The following AGBL3 variants were observed in gnomAD, a reference collection of about 807,000 sequenced individuals.
AGBL3 encodes the protein cytosolic carboxypeptidase 3.
Under a neutral mutation model 94.5 loss-of-function variants are expected in AGBL3, and 68 were observed. The ratio of observed to expected loss-of-function variants is 0.72; its 90% CI spans 0.59 to 0.88. The LOEUF is 0.88. Among genes scored for constraint, AGBL3 ranks in the 40% least tolerant of loss-of-function variants. AGBL3 has a pLI of 0.00. For synonymous variants in AGBL3, 354 were observed against 370.7 expected (o/e 0.95, Z 0.52); for missense variants, 934 against 1,103.8 (o/e 0.85, Z 2.18).
At chr7:135,083,224 C>G (rs1280283664) in intron 15 of AGBL3, among the ~76,000 whole-genome samples, 7 of 152,186 alleles carry the variant, frequency 4.6e-5, no homozygotes, top group Non-Finnish European at 1.0e-4. Context: ...TCTAGTCAGT[C>G]TCCCTGCCAC....
intron 12 of AGBL3, among the ~76,000 whole-genome samples, chr7:135,067,427 G>A (rs923471469): frequency 2.0e-5 from 3 of 152,316 alleles, no homozygotes; most frequent in Admixed American, 1.3e-4. Context: ...ATCTGAGAAC[G>A]AGCAGACTGC....
At chr7:135,107,356 T>C (rs1470203039) in intron 15 of AGBL3, among the ~76,000 whole-genome samples, 2 of 152,182 alleles carry the variant, frequency 1.3e-5, no homozygotes, top group Non-Finnish European at 2.9e-5. Context: ...CATTTAGTGA[T>C]ATAAATTTCT....
intron 5 of AGBL3, among the ~76,000 whole-genome samples, chr7:135,017,719 G>A (rs192561157): frequency 2.6e-5 from 4 of 152,092 alleles, no homozygotes; most frequent in South Asian, 4.1e-4. Context: ...GAGTGTTTTC[G>A]TATATTAAAG....
chr7:135,101,398 T>C (rs115098679), intron 15 of AGBL3: 2 of 362,840 alleles, frequency 5.5e-6, no homozygotes, highest in African/African-American at 4.2e-5. Flanking sequence ...AAGGATGAGA[T>C]TGATAGCTAT....
intron 15 of AGBL3, among the ~76,000 whole-genome samples, chr7:135,087,523 G>A (rs763725095): frequency 6.6e-6 from 1 of 151,812 alleles, no homozygotes; most frequent in Non-Finnish European, 1.5e-5. Flanking sequence ...GTTTTGGTAT[G>A]TTGTGTTTCT....
At chr7:135,057,842 T>C (rs1818472511) in intron 11 of AGBL3, among the ~76,000 whole-genome samples, 2 of 152,188 alleles carry the variant, frequency 1.3e-5, no homozygotes, top group Non-Finnish European at 2.9e-5. Flanking sequence ...CTTTAATTTA[T>C]ATTACTAAGT....
chr7:135,037,578 AAAGT>A lies in AGBL3; in HGVS notation c.1500+2_1500+5del, dbSNP rs1484377502. 5 of 1,537,746 alleles carry A rather than the reference AAAGT, an allele frequency of 3.3e-6. No individual in the cohort carries two copies. The highest frequency in any genetic ancestry group is 4.4e-6 in the Non-Finnish European group (5 of 1,141,514). On this transcript the variant is annotated splice_donor_variant and coding_sequence_variant, in exon 8 of 17. Coordinates refer to ENST00000436302, the MANE Select transcript of AGBL3 (RefSeq NM_178563.4). LOFTEE classifies it high-confidence loss of function. Reference sequence around the variant, plus strand: ...TATGCTAAGCAAAAATTGTCCAGATAAAGTAAGCACCTTTTAAGGTATTAACTTT... The same window carrying A: ...TATGCTAAGCAAAAATTGTCCAGATAAAGCACCTTTTAAGGTATTAACTTT...
intron 5 of AGBL3, among the ~76,000 whole-genome samples, chr7:135,025,676 T>C (rs1007012154): frequency 1.3e-5 from 2 of 151,566 alleles, no homozygotes; most frequent in Non-Finnish European, 1.5e-5. Flanking sequence ...GACCCAACTG[T>C]TGGCTGTCTT....
intron 7 of AGBL3, 110 bp from the exon 8 acceptor site, chr7:135,037,308 G>C (rs1376723092): frequency 2.3e-6 from 2 of 878,034 alleles, no homozygotes; most frequent in Non-Finnish European, 3.3e-6. Flanking sequence ...GAGAAAGCTA[G>C]GATATAAGAA....
At chr7:135,087,013 T>C (rs545880641) in intron 15 of AGBL3, among the ~76,000 whole-genome samples, 6 of 152,134 alleles carry the variant, frequency 3.9e-5, no homozygotes, top group African/African-American at 1.4e-4. Flanking sequence ...TTATTACAGA[T>C]TCAATCATTA....
intron 15 of AGBL3, among the ~76,000 whole-genome samples, chr7:135,089,026 G>A (rs1443267136): frequency 6.6e-6 from 1 of 151,120 alleles, no homozygotes; most frequent in African/African-American, 2.4e-5. Flanking sequence ...TTGCTTAATG[G>A]TGTCCCATAT....
At chr7:134,994,386 T>C (rs1810706134) in intron 4 of AGBL3, among the ~76,000 whole-genome samples, 1 of 151,702 alleles carries the variant, frequency 6.6e-6, no homozygotes, top group Non-Finnish European at 1.5e-5. Context: ...TTAGTATATA[T>C]AGATTTTAAT....
chr7:135,048,014 T>A (rs980909996), intron 11 of AGBL3, among the ~76,000 whole-genome samples: 7 of 151,996 alleles, frequency 4.6e-5, no homozygotes, highest in African/African-American at 1.7e-4. Context: ...ATTTAAGTGT[T>A]TAGCCCATTT....
In AGBL3 at chr7:135,045,884, T is replaced by G. The variant is rs1424019444; in HGVS notation, c.1814T>G (p.Ile605Arg). The change falls in exon 11 of 17, where the codon ATA becomes AGA. Residue 605 changes from isoleucine to arginine, a missense_variant. Ile to Arg is a moderately conservative substitution (Grantham distance 97). Coordinates refer to ENST00000436302, the MANE Select transcript of AGBL3 (RefSeq NM_178563.4). ...TTTGAGGATTCAGACACACCTGTGA[T>G]AGACATTACATTGGATGTAGAGTCT... The part of the protein sequence containing the change: ...KVFEDSDTPV[I>R]DITLDVESSS... 1.9e-6 allele frequency: 3 copies of G among 1,549,440 alleles called. No homozygotes were observed. Among genetic ancestry groups the G allele is most frequent in the Non-Finnish European group, 2.6e-6 (3 of 1,145,338 alleles).
intron 5 of AGBL3, among the ~76,000 whole-genome samples, chr7:135,032,304 G>GT (rs1332720820): frequency 6.6e-6 from 1 of 151,402 alleles, no homozygotes; most frequent in Non-Finnish European, 1.5e-5. Context: ...TTGTTTTTTT[G>GT]TTTTTTTGTT....
In AGBL3 at chr7:135,043,968, C is replaced by CA. The variant is rs905781991; in HGVS notation, c.1501-50dup. ...ACTTTATCATTTTTAATACTACTTT[C>CA]AAAAAAAGATATCGGTACCAGAACA... On this transcript the variant is annotated intron_variant, in intron 8 of 16. Transcript: ENST00000436302. The CA allele has an allele frequency of 4.0e-5, 60 of 1,512,008 alleles. 1 individual carries two copies. Among genetic ancestry groups the CA allele is most frequent in the Non-Finnish European group, 5.0e-5 (56 of 1,125,718 alleles). The allele number at this position is 1,512,008 out of a possible 1,614,324, so 93.7% of individuals were successfully genotyped here. A position where few individuals can be genotyped will look rare whatever the true frequency, so the allele number is the denominator to read the frequency against.
rs548363684 is a variant in AGBL3 at position 135,132,908 on chromosome 7, C to T, written c.2343-1933C>T. 4.6e-5 allele frequency among the ~76,000 whole-genome samples: 7 copies of T among 152,198 alleles called. No individual in the cohort carries two copies. In the East Asian group the frequency reaches 1.4e-3, roughly 29 times the overall value. ...TAGAATAATACACCACTCTATTGAA[C>T]ATTGTGCTAGAAGTTCTAGCCACTG... On this transcript the variant is annotated intron_variant, in intron 16 of 16. Coordinates refer to ENST00000436302, the MANE Select transcript of AGBL3 (RefSeq NM_178563.4).
intron 12 of AGBL3, among the ~76,000 whole-genome samples, chr7:135,060,223 T>C (rs11971912): frequency 0.49 from 73,752 of 152,054 alleles, 18,259 homozygotes; most frequent in South Asian, 0.66. Flanking sequence ...TTTTACTAAA[T>C]GTATCACTTC....
Position 135,129,768 on chromosome 7 carries a change from G to T in AGBL3, c.2343-5073G>T, listed in dbSNP as rs189692460. 1.3e-3 allele frequency: 830 copies of T among 642,204 alleles called. 5 individuals are homozygous for T. Among genetic ancestry groups the T allele is most frequent in the Middle Eastern group, 9.6e-3 (20 of 2,088 alleles). The allele number at this position is 642,204 out of a possible 1,614,324, so 39.8% of individuals were successfully genotyped here. On this transcript the variant is annotated intron_variant, in intron 16 of 16. Coordinates refer to ENST00000436302, the MANE Select transcript of AGBL3 (RefSeq NM_178563.4). Reference sequence around the variant, plus strand: ...TCAAGTACACAAAGTAACCCTGCAGGATATTTAGGGTACTACTCATTCAGT... The same window carrying T: ...TCAAGTACACAAAGTAACCCTGCAGTATATTTAGGGTACTACTCATTCAGT...
Sources: allele counts gnomAD v4.1 joint callset (sites outside exome capture counted in the v4.1 genomes callset), GRCh38; gene constraint gnomAD v4.1.1; transcripts MANE v1.5; gene names NCBI Gene and HGNC (gene_info 2026-07-23, HGNC 2026-07-21).